CDR2: variants seen among roughly 807,000 people sequenced by gnomAD.
The protein encoded by CDR2 is cerebellar degeneration-related protein 2.
In CDR2, 34 loss-of-function variants were observed where a neutral mutation model predicts 48.4. That is an observed-to-expected ratio of 0.70 (90% CI 0.53 to 0.94). The LOEUF is 0.94. CDR2 is among the 40% of genes least tolerant of loss of function. The pLI, the probability that CDR2 is intolerant of heterozygous loss-of-function variation, is 0.00. For missense variants in CDR2, 498 were observed against 549.5 expected (o/e 0.91, Z 0.94); for synonymous variants, 240 against 219.7 (o/e 1.09, Z -0.82).
chr16:22,368,025 C>T (rs2049054037), intron 1 of CDR2, among the ~76,000 whole-genome samples: 1 of 152,010 alleles, frequency 6.6e-6, no homozygotes, highest in Non-Finnish European at 1.5e-5. Flanking sequence ...AGTTCGAGAC[C>T]AGCCAGGGCA....
At chr16:22,366,324 AT>A (rs2049044427) in intron 1 of CDR2, among the ~76,000 whole-genome samples, 1 of 152,238 alleles carries the variant, frequency 6.6e-6, no homozygotes, top group Non-Finnish European at 1.5e-5. Flanking sequence ...CATTAAAAAA[AT>A]ATCCCTGCCC....
chr16:22,349,287 G>A lies in CDR2; in HGVS notation c.498C>T (p.Asp166=). ...PSFACLKELY[D]LRQHFVYDHV... ...GAAAGGCAGGCTCTTACTGGCGGAG[G>A]TCATACAGCTCCTTCAGACATGCAA... is the stretch of plus-strand genomic sequence containing the variant. The change falls in exon 4 of 5, where the codon GAC becomes GAT. Residue 166 remains aspartate (D), a synonymous_variant. Coordinates refer to ENST00000268383, the MANE Select transcript of CDR2 (RefSeq NM_001802.2). 1 of 1,614,150 alleles carries A rather than the reference G, an allele frequency of 6.2e-7. No homozygotes were observed. The highest frequency in any genetic ancestry group is 8.5e-7 in the Non-Finnish European group (1 of 1,180,002).
intron 1 of CDR2, among the ~76,000 whole-genome samples, chr16:22,368,453 G>A (rs891873627): frequency 3.5e-4 from 54 of 152,126 alleles, no homozygotes; most frequent in Admixed American, 3.5e-3. Context: ...CAAGTGATCC[G>A]CCCACCGCGG....
chr16:22,349,278 C>T lies in CDR2; in HGVS notation c.506+1G>A. The T allele has an allele frequency of 6.2e-7, 1 of 1,614,130 alleles. No homozygotes were observed. The highest frequency in any genetic ancestry group is 8.5e-7 in the Non-Finnish European group (1 of 1,179,978). On this transcript the variant is annotated splice_donor_variant, in intron 4 of 4. Coordinates refer to ENST00000268383, the MANE Select transcript of CDR2 (RefSeq NM_001802.2). LOFTEE classifies it high-confidence loss of function. Reference sequence around the variant, plus strand: ...AACTCCACAGAAAGGCAGGCTCTTACTGGCGGAGGTCATACAGCTCCTTCA... The same window carrying T: ...AACTCCACAGAAAGGCAGGCTCTTATTGGCGGAGGTCATACAGCTCCTTCA...
At chr16:22,368,286 T>C (rs2049055558) in intron 1 of CDR2, among the ~76,000 whole-genome samples, 1 of 152,182 alleles carries the variant, frequency 6.6e-6, no homozygotes, top group Admixed American at 6.5e-5. Flanking sequence ...CTCGGCTCAC[T>C]GCAACCTCTG....
rs372845926 is a variant in CDR2 at position 22,356,637 on chromosome 16, C to T, written c.193-6788G>A. Among the ~76,000 whole-genome samples the T allele has an allele frequency of 9.9e-5, 15 of 152,266 alleles. No homozygotes were observed. In the East Asian group the frequency reaches 1.4e-3, roughly 14 times the overall value. Reference sequence around the variant, plus strand: ...GCATGATGGCAGGTGCCTGTAATCCCAGCTACTCAGGAGGCTGAGGCAGGA... The same window carrying T: ...GCATGATGGCAGGTGCCTGTAATCCTAGCTACTCAGGAGGCTGAGGCAGGA... On this transcript the variant is annotated intron_variant, in intron 2 of 4. Coordinates refer to ENST00000268383, the MANE Select transcript of CDR2 (RefSeq NM_001802.2).
chr16:22,347,140 T>G lies in CDR2; in HGVS notation c.1190A>C (p.Glu397Ala). 6.2e-7 allele frequency: 1 copy of G among 1,614,252 alleles called. No homozygotes were observed. Among genetic ancestry groups the G allele is most frequent in the Non-Finnish European group, 8.5e-7 (1 of 1,180,038 alleles). ...CAGTTCCCAGCCGCTGGCAACAGGC[T>G]CAGACTGGGCGTTCACTCCAGTCAG... is the stretch of plus-strand genomic sequence containing the variant. ...KDLTGVNAQSEPVASGWELAS... is the reference protein window; with the variant it reads ...KDLTGVNAQSAPVASGWELAS... The change falls in exon 5 of 5, where the codon GAG (glutamate) becomes GCG (alanine). Residue 397 changes from glutamate to alanine, a missense_variant. Coordinates refer to ENST00000268383, the MANE Select transcript of CDR2 (RefSeq NM_001802.2).
At chr16:22,372,631 C>T (rs773366099) in intron 1 of CDR2, among the ~76,000 whole-genome samples, 8 of 152,162 alleles carry the variant, frequency 5.3e-5, no homozygotes, top group Non-Finnish European at 1.0e-4. Flanking sequence ...GGCCATCAAT[C>T]CTTACGGGGA....
intron 2 of CDR2, among the ~76,000 whole-genome samples, chr16:22,353,638 A>T (rs1284530514): frequency 6.6e-6 from 1 of 152,202 alleles, no homozygotes; most frequent in African/African-American, 2.4e-5. Flanking sequence ...AAGCTTTGCT[A>T]ACGGGCCTTT....
intron 4 of CDR2, 99 bp from the exon 5 acceptor site, chr16:22,347,922 C>T: frequency 8.5e-7 from 1 of 1,174,842 alleles, no homozygotes; most frequent in Non-Finnish European, 1.2e-6. Flanking sequence ...ATTTGAGGAG[C>T]TGTGACAGTG....
At chr16:22,372,840 T>C (rs2049087312) in intron 1 of CDR2, among the ~76,000 whole-genome samples, 1 of 152,252 alleles carries the variant, frequency 6.6e-6, no homozygotes, top group Non-Finnish European at 1.5e-5. Flanking sequence ...TTTATTTTCC[T>C]TTTCTGAGTT....
chr16:22,358,482 C>G (rs1238180097), intron 2 of CDR2, among the ~76,000 whole-genome samples: 1 of 151,854 alleles, frequency 6.6e-6, no homozygotes, highest in Non-Finnish European at 1.5e-5. Flanking sequence ...TAAGGTAAAT[C>G]TTTAAAAAAC....
chr16:22,367,830 C>T (rs369790391), intron 1 of CDR2, among the ~76,000 whole-genome samples: 3 of 152,170 alleles, frequency 2.0e-5, no homozygotes, highest in East Asian at 1.9e-4. Flanking sequence ...CATTTTACAC[C>T]CATTTAAAAT....
chr16:22,352,889 C>G (rs779230247), intron 2 of CDR2, among the ~76,000 whole-genome samples: 1 of 152,132 alleles, frequency 6.6e-6, no homozygotes, highest in Non-Finnish European at 1.5e-5. Context: ...AATTCTCATG[C>G]GTGAAGCTTT....
At chr16:22,358,261 C>G (rs2048989240) in intron 2 of CDR2, among the ~76,000 whole-genome samples, 1 of 152,094 alleles carries the variant, frequency 6.6e-6, no homozygotes. Flanking sequence ...ATGAATCTGA[C>G]TGCCATAGTA....
At position 22,374,267 on chromosome 16, in the gene CDR2, C is replaced by T. The variant is rs2049102105; in HGVS notation, c.43G>A (p.Asp15Asn). The change falls in exon 1 of 5, where the codon GAC (aspartate) becomes AAC (asparagine). Residue 15 changes from aspartate (D) to asparagine (N), a missense_variant. Physicochemically the swap from Asp to Asn is conservative, Grantham distance 23. Transcript: ENST00000268383. Reference protein sequence around the residue: ...NLVEEFEMKEDEPWYDHQDLQ... With the variant: ...NLVEEFEMKENEPWYDHQDLQ... ...TCCTGGTGGTCGTACCACGGCTCGT[C>T]CTCCTTCATCTCAAACTCCTCTACC... The T allele has an allele frequency of 1.9e-6, 3 of 1,603,558 alleles. No homozygotes were observed. The highest frequency in any genetic ancestry group is 2.7e-5 in the African/African-American group (2 of 73,494).
At position 22,349,333 on chromosome 16, in the gene CDR2, TG is replaced by T; in HGVS notation, c.451del (p.Gln151ArgfsTer11). The T allele has an allele frequency of 1.2e-6, 2 of 1,614,220 alleles. No homozygotes were observed. Among genetic ancestry groups the T allele is most frequent in the Non-Finnish European group, 1.7e-6 (2 of 1,180,042 alleles). On this transcript the variant is annotated frameshift_variant, in exon 4 of 5. Transcript: ENST00000268383. LOFTEE classifies it high-confidence loss of function. ...QGRRSPGKCD[Q>X]EKPAPSFACL... The stretch of plus-strand genomic sequence containing the variant: ...TGCAAAGCTGGGTGCCGGTTTCTCC[TG>T]GTCACACTTTCCCGGGCTCCTTCTC...
intron 1 of CDR2, 58 bp downstream of exon 1, chr16:22,374,172 CG>C: frequency 8.8e-7 from 1 of 1,138,582 alleles, no homozygotes; most frequent in Non-Finnish European, 1.3e-6. Flanking sequence ...TTAACAGTTT[CG>C]CAGCGGGGGC....
chr16:22,369,818 T>C (rs538986090), intron 1 of CDR2, among the ~76,000 whole-genome samples: 2 of 151,942 alleles, frequency 1.3e-5, no homozygotes, highest in African/African-American at 2.4e-5. Flanking sequence ...GAATATTGAA[T>C]GTCCCTTATA....
Sources: gnomAD v4.1 joint callset for allele counts (sites outside exome capture counted in the v4.1 genomes callset) on GRCh38, gnomAD v4.1.1 for gene constraint, MANE v1.5 for transcripts, NCBI Gene and HGNC (gene_info 2026-07-23, HGNC 2026-07-21) for gene names.